The following NAA11 variants were observed in gnomAD, a reference collection of about 807,000 sequenced individuals.
NAA11 encodes the protein N-alpha-acetyltransferase 11, NatA catalytic subunit, also known as N-alpha-acetyltransferase 11.
Under a neutral mutation model 16.1 loss-of-function variants are expected in NAA11, and 15 were observed. The ratio of observed to expected loss-of-function variants is 0.93; its 90% confidence interval spans 0.62 to 1.44. NAA11 has a LOEUF of 1.44. NAA11 is among the 40% of genes most tolerant of loss of function. NAA11 has a pLI of 0.00. For missense variants in NAA11, 298 were observed against 291.3 expected (o/e 1.02, Z -0.17); for synonymous variants, 122 against 112.4 (o/e 1.09, Z -0.54).
At chr4:79,319,980 G>C (rs989811405) in intron 1 of NAA11, among the ~76,000 whole-genome samples, 2 of 152,220 alleles carry the variant, frequency 1.3e-5, no homozygotes, top group African/African-American at 4.8e-5. Flanking sequence ...AAACCAGAAA[G>C]GGAGAGTCAC....
the NAA11 span, among the ~76,000 whole-genome samples, chr4:79,207,880 A>G: frequency 6.6e-6 from 1 of 152,164 alleles, no homozygotes; most frequent in Non-Finnish European, 1.5e-5. Flanking sequence ...GGGGTGGATG[A>G]TATCTTCAAC....
chr4:79,241,926 G>A (rs374166182), intron 2 of NAA11, among the ~76,000 whole-genome samples: 2 of 152,204 alleles, frequency 1.3e-5, no homozygotes, highest in South Asian at 2.1e-4. Flanking sequence ...AATGGAGATG[G>A]AACCTATAAG....
chr4:79,289,160 C>A (rs1158775673), intron 2 of NAA11, among the ~76,000 whole-genome samples: 1 of 152,186 alleles, frequency 6.6e-6, no homozygotes, highest in Non-Finnish European at 1.5e-5. Context: ...ACAGACATTG[C>A]CAAGTTGTCC....
downstream of NAA11, among the ~76,000 whole-genome samples, chr4:79,225,395 G>A (rs533964278): frequency 4.4e-4 from 67 of 152,154 alleles, no homozygotes; most frequent in Admixed American, 1.6e-3. Context: ...TTTACCTTAC[G>A]TAAAGTGTCA....
Position 79,234,835 on chromosome 4 carries a change from C to T in NAA11, c.*123-8565G>A, listed in dbSNP as rs532912521. Among the ~76,000 whole-genome samples, 4 of 152,120 alleles carry T rather than the reference C, an allele frequency of 2.6e-5. No homozygotes were observed. In the East Asian group the frequency reaches 7.8e-4, roughly 30 times the overall value. ...TAATCATGTACGTTTTCTCTTTGAACAAACTACTAAGGTACTCAGTATTCA... is the reference window on the plus strand; with the variant it reads ...TAATCATGTACGTTTTCTCTTTGAATAAACTACTAAGGTACTCAGTATTCA... On this transcript the variant is annotated intron_variant and NMD_transcript_variant, in intron 2 of 2. Coordinates refer to the NAA11 transcript ENST00000511542.
At chr4:79,260,432 C>T (rs149669903) in intron 2 of NAA11, among the ~76,000 whole-genome samples, 5 of 152,234 alleles carry the variant, frequency 3.3e-5, no homozygotes, top group East Asian at 3.9e-4. Context: ...TTATCCAAAC[C>T]CCAACAAGAA....
the NAA11 span, among the ~76,000 whole-genome samples, chr4:79,189,222 CTGAG>C: frequency 6.7e-6 from 1 of 149,134 alleles, no homozygotes; most frequent in Admixed American, 6.7e-5. Context: ...GATAGGTGAC[CTGAG>C]AAACAGTGAA....
At chr4:79,202,623 T>TTATATATATATATATA in the NAA11 span, among the ~76,000 whole-genome samples, 1,526 of 52,476 alleles carry the variant, frequency 0.029, 189 homozygotes, top group South Asian at 0.069. Context: ...ATATATAGTT[T>TTATATATATATATATA]TATATATATA....
chr4:79,246,465 T>C (rs1214138072), intron 2 of NAA11, among the ~76,000 whole-genome samples: 1 of 151,738 alleles, frequency 6.6e-6, no homozygotes, highest in African/African-American at 2.4e-5. Flanking sequence ...TAAAGAATCC[T>C]TTAAAATGCA....
chr4:79,234,163 T>C (rs1721522965), intron 2 of NAA11, among the ~76,000 whole-genome samples: 2 of 152,152 alleles, frequency 1.3e-5, no homozygotes, highest in African/African-American at 2.4e-5. Flanking sequence ...GTGATGTTTC[T>C]TCAAAATCTT....
chr4:79,237,837 C>A (rs1721604342), intron 2 of NAA11, among the ~76,000 whole-genome samples: 1 of 152,164 alleles, frequency 6.6e-6, no homozygotes, highest in Non-Finnish European at 1.5e-5. Context: ...TTTATGTGAT[C>A]CCGTAATTTG....
chr4:79,249,046 G>C (rs1401702542), intron 2 of NAA11, among the ~76,000 whole-genome samples: 3 of 152,168 alleles, frequency 2.0e-5, no homozygotes, highest in African/African-American at 7.2e-5. Flanking sequence ...ACAAAGCAGG[G>C]AGCCCAATGC....
chr4:79,261,565 C>T (rs984987614), intron 2 of NAA11, among the ~76,000 whole-genome samples: 2 of 152,118 alleles, frequency 1.3e-5, no homozygotes, highest in Non-Finnish European at 2.9e-5. Context: ...TGGGCTAGAA[C>T]TAAAACCTAT....
chr4:79,185,443 C>T, the NAA11 span, among the ~76,000 whole-genome samples: 6 of 152,100 alleles, frequency 3.9e-5, no homozygotes, highest in Non-Finnish European at 7.4e-5. Context: ...AGAAGGCAGC[C>T]AAAGTGGCAC....
chr4:79,155,413 T>A, the NAA11 span, among the ~76,000 whole-genome samples: 1 of 152,244 alleles, frequency 6.6e-6, no homozygotes, highest in East Asian at 1.9e-4. Flanking sequence ...TGATACTGCC[T>A]TTAAAACATT....
At chr4:79,173,363 T>G in the NAA11 span, among the ~76,000 whole-genome samples, 4 of 152,072 alleles carry the variant, frequency 2.6e-5, no homozygotes, top group African/African-American at 9.7e-5. Flanking sequence ...GCACCACATT[T>G]TATACTCACT....
chr4:79,279,215 T>C (rs990402219), intron 2 of NAA11, among the ~76,000 whole-genome samples: 6 of 152,144 alleles, frequency 3.9e-5, no homozygotes, highest in Non-Finnish European at 8.8e-5. Flanking sequence ...ATATCATCTT[T>C]CTATGTGCCA....
intron 2 of NAA11, among the ~76,000 whole-genome samples, chr4:79,289,637 G>A (rs1041005319): frequency 6.6e-6 from 1 of 152,138 alleles, no homozygotes; most frequent in African/African-American, 2.4e-5. Context: ...TAGTTGGTGG[G>A]AAGCTGGGAT....
the NAA11 span, among the ~76,000 whole-genome samples, chr4:79,209,355 A>G: frequency 6.6e-6 from 1 of 152,172 alleles, no homozygotes; most frequent in Non-Finnish European, 1.5e-5. Flanking sequence ...AAATTCCTAA[A>G]CAAGAAGTCT....
Sources: gnomAD v4.1 joint callset for allele counts (sites outside exome capture counted in the v4.1 genomes callset) on GRCh38, gnomAD v4.1.1 for gene constraint, MANE v1.5 for transcripts, NCBI Gene and HGNC (gene_info 2026-07-23, HGNC 2026-07-21) for gene names.